LRPPRC: variants seen among roughly 807,000 people sequenced by gnomAD.
The protein encoded by LRPPRC is leucine-rich PPR motif-containing protein, mitochondrial.
A neutral mutation model predicts 180.3 loss-of-function variants in LRPPRC; 120 were observed. The ratio of observed to expected loss-of-function variants is 0.67; its 90% CI spans 0.57 to 0.77. The LOEUF (loss-of-function observed/expected upper bound fraction) is 0.77, where lower values mean the gene tolerates loss of function less well. LRPPRC is among the 30% of genes least tolerant of loss of function. The pLI is 0.00. For missense variants in LRPPRC, 2,012 were observed against 1,657.2 expected (o/e 1.21, Z -3.72); for synonymous variants, 723 against 600.0 (o/e 1.21, Z -3.00).
At chr2:43,954,014 A>C (rs1673005551) in intron 14 of LRPPRC, among the ~76,000 whole-genome samples, 1 of 152,220 alleles carries the variant, frequency 6.6e-6, no homozygotes, top group Admixed American at 6.5e-5. Flanking sequence ...CATTTTGAAA[A>C]GAAAAAAACT....
intron 27 of LRPPRC, among the ~76,000 whole-genome samples, chr2:43,920,474 C>T (rs2105031220): frequency 6.6e-6 from 1 of 152,138 alleles, no homozygotes; most frequent in Non-Finnish European, 1.5e-5. Context: ...CGCAAGGAGG[C>T]CCAGATGGCA....
rs1670883326 is a variant in LRPPRC at position 43,901,453 on chromosome 2, T to C, written c.3436A>G (p.Ile1146Val). The C allele has an allele frequency of 4.3e-6, 7 of 1,614,010 alleles. No homozygotes were observed. The highest frequency in any genetic ancestry group is 5.9e-6 in the Non-Finnish European group (7 of 1,179,842). Reference protein sequence around the residue: ...TPSRLAVTRVIQALAMKGDVE... With the variant: ...TPSRLAVTRVVQALAMKGDVE... ...TCACCCTTCATGGCCAATGCCTGGA[T>C]GACACGGGTCACTGCTAACCTAGAA... The change falls in exon 32 of 38, where the codon ATC becomes GTC. Residue 1146 changes from isoleucine (I) to valine (V), a missense_variant. Physicochemically the swap from Ile to Val is conservative, Grantham distance 29. Transcript: ENST00000260665.
intron 11 of LRPPRC, among the ~76,000 whole-genome samples, chr2:43,966,362 A>G (rs371528372): frequency 6.6e-6 from 1 of 152,090 alleles, no homozygotes; most frequent in Non-Finnish European, 1.5e-5. Flanking sequence ...CACAATGTAC[A>G]GAATACTTGA....
At chr2:43,957,504 C>T (rs1673167693) in intron 13 of LRPPRC, 53 bp from the exon 14 acceptor site, 1 of 1,273,798 alleles carries the variant, frequency 7.9e-7, no homozygotes, top group South Asian at 1.2e-5. Flanking sequence ...ATTTAAAAAC[C>T]CTGTATTATC....
chr2:43,949,480 C>A (rs1296724157), intron 16 of LRPPRC, 122 bp downstream of exon 16: 1 of 742,654 alleles, frequency 1.3e-6, no homozygotes, highest in Non-Finnish European at 2.4e-6. Context: ...AGATTTATAA[C>A]CAAATGTTTT....
At chr2:43,943,662 A>T in intron 23 of LRPPRC, 25 bp downstream of exon 23, 1 of 1,577,812 alleles carries the variant, frequency 6.3e-7, no homozygotes, top group East Asian at 2.2e-5. Context: ...GCCAACATTT[A>T]AAATTCAAAA....
In LRPPRC at chr2:43,949,656, T is replaced by C; in HGVS notation, c.1681A>G (p.Thr561Ala). 1 of 1,613,022 alleles carries C rather than the reference T, an allele frequency of 6.2e-7. No individual in the cohort carries two copies. Among genetic ancestry groups the C allele is most frequent in the Non-Finnish European group, 8.5e-7 (1 of 1,179,044 alleles). The change falls in exon 16 of 38, where the codon ACA becomes GCA. Residue 561 changes from threonine to alanine, a missense_variant. Coordinates refer to ENST00000260665, the MANE Select transcript of LRPPRC (RefSeq NM_133259.4). ...CGTCCATCCTTGTACAACAATTCTG[T>C]TATCTGGTAAGACAGAAAATTCGTG... ...SMNINLWSEI[T>A]ELLYKDGRYC...
rs775294274 is a variant in LRPPRC at position 43,995,905 on chromosome 2, C to G, written c.43G>C (p.Gly15Arg). The change falls in exon 1 of 38, where the codon GGG (glycine) becomes CGG (arginine). Residue 15 changes from glycine (G) to arginine (R), a missense_variant. Transcript: ENST00000260665. ...LRSARWLLRA[G>R]AAPRLPLSLR... ...GAGAGCGGGAGGCGCGGGGCCGCCC[C>G]GGCACGCAGCAACCAACGCGCGGAT... is the stretch of plus-strand genomic sequence containing the variant. 6.6e-7 allele frequency: 1 copy of G among 1,515,092 alleles called. No homozygotes were observed. Among genetic ancestry groups the G allele is most frequent in the Non-Finnish European group, 8.8e-7 (1 of 1,139,158 alleles). 93.9% of individuals were successfully genotyped at this position (1,515,092 alleles called of 1,614,324 possible).
chr2:43,945,474 C>T, intron 21 of LRPPRC, 57 bp from the exon 22 acceptor site: 1 of 948,730 alleles, frequency 1.1e-6, no homozygotes, highest in Non-Finnish European at 1.7e-6. Context: ...GCTAAAAGAA[C>T]AGCAACATCC....
At chr2:43,897,278 T>C (rs1474111430) in intron 34 of LRPPRC, among the ~76,000 whole-genome samples, 1 of 147,982 alleles carries the variant, frequency 6.8e-6, no homozygotes, top group East Asian at 2.0e-4. Context: ...AAAGTTAAAC[T>C]AAAAAAAAAA....
At chr2:43,955,918 T>A (rs1319160917) in intron 14 of LRPPRC, among the ~76,000 whole-genome samples, 1 of 152,150 alleles carries the variant, frequency 6.6e-6, no homozygotes, top group Non-Finnish European at 1.5e-5. Context: ...AAGAGAGATG[T>A]GCGAATCACC....
At chr2:43,895,929 A>T (rs542394072) in intron 35 of LRPPRC, among the ~76,000 whole-genome samples, 23 of 152,296 alleles carry the variant, frequency 1.5e-4, no homozygotes, top group South Asian at 8.3e-4. Context: ...ATTTTTTTTT[A>T]AAAAATTTTT....
At chr2:43,937,010 T>C (rs1179199457) in intron 23 of LRPPRC, among the ~76,000 whole-genome samples, 2 of 152,230 alleles carry the variant, frequency 1.3e-5, no homozygotes, top group East Asian at 3.8e-4. Flanking sequence ...CATACGATTT[T>C]TTTTTAAGTG....
chr2:43,974,884 T>TA, intron 7 of LRPPRC, 126 bp from the exon 8 acceptor site: 1 of 1,056,676 alleles, frequency 9.5e-7, no homozygotes, highest in East Asian at 2.5e-5. Flanking sequence ...CGACTTCTTT[T>TA]AAAAAACAGG....
At chr2:43,925,768 T>C (rs1671854899) in intron 26 of LRPPRC, 125 bp downstream of exon 26, 3 of 750,648 alleles carry the variant, frequency 4.0e-6, no homozygotes, top group African/African-American at 1.7e-5. Context: ...TGGCAAATGA[T>C]CGAGATAAAC....
At chr2:43,955,582 T>A (rs894340569) in intron 14 of LRPPRC, among the ~76,000 whole-genome samples, 4 of 151,132 alleles carry the variant, frequency 2.6e-5, no homozygotes, top group African/African-American at 9.7e-5. Context: ...TACAAAAAAA[T>A]TTTAAAAATC....
chr2:43,954,559 G>A (rs1461274005), intron 14 of LRPPRC, among the ~76,000 whole-genome samples: 2 of 152,158 alleles, frequency 1.3e-5, no homozygotes, highest in African/African-American at 2.4e-5. Context: ...AAAGTAGTAT[G>A]GTAGTAGCTA....
At chr2:43,941,445 T>C (rs1175720655) in intron 23 of LRPPRC, among the ~76,000 whole-genome samples, 1 of 152,186 alleles carries the variant, frequency 6.6e-6, no homozygotes, top group Non-Finnish European at 1.5e-5. Context: ...CAAGTTTGAA[T>C]AAATAAAGCT....
intron 30 of LRPPRC, among the ~76,000 whole-genome samples, chr2:43,909,062 G>A (rs1241702934): frequency 1.3e-5 from 2 of 152,202 alleles, no homozygotes; most frequent in East Asian, 1.9e-4. Flanking sequence ...AGAGGACCTA[G>A]TTGGCAATAA....
Sources: allele counts gnomAD v4.1 joint callset (sites outside exome capture counted in the v4.1 genomes callset), GRCh38; gene constraint gnomAD v4.1.1; transcripts MANE v1.5; gene names NCBI Gene and HGNC (gene_info 2026-07-23, HGNC 2026-07-21).